Variants in FCHO2 observed in about 807,000 individuals in gnomAD.
FCHO2 encodes F-BAR domain only protein 2.
A neutral mutation model predicts 114.1 loss-of-function variants in FCHO2; 43 were observed. That is an observed-to-expected ratio of 0.38 (90% CI 0.30 to 0.49). The LOEUF is 0.49. FCHO2 is among the 20% of genes least tolerant of loss of function. The pLI is 0.97. For synonymous variants in FCHO2, 293 were observed against 315.2 expected (o/e 0.93, Z 0.75); for missense variants, 807 against 950.4 (o/e 0.85, Z 1.98).
rs1743432307 is a variant in FCHO2, at chr5:73,089,923, A to C, written c.*1833A>C. On this transcript the variant is annotated 3_prime_UTR_variant, in exon 26 of 26. Coordinates refer to ENST00000430046, the MANE Select transcript of FCHO2 (RefSeq NM_138782.3). The stretch of plus-strand genomic sequence containing the variant: ...CTAATCTTTACTAAATAGTGAGCTA[A>C]ATTAGAATTTCTAACTCTTATATTG... 6.6e-6 allele frequency: 1 copy of C among 152,566 alleles called. No homozygotes were observed. Among genetic ancestry groups the C allele is most frequent in the East Asian group, 1.9e-4 (1 of 5,200 alleles). The allele number at this position is 152,566 out of a possible 1,614,324, so 9.5% of individuals were successfully genotyped here. A position where few individuals can be genotyped will look rare whatever the true frequency, so the allele number is the denominator to read the frequency against.
intron 1 of FCHO2, among the ~76,000 whole-genome samples, chr5:72,962,415 C>A (rs780199033): frequency 2.0e-5 from 3 of 151,974 alleles, no homozygotes; most frequent in Non-Finnish European, 4.4e-5. Flanking sequence ...TAATATAAGC[C>A]CTTTGAAAGT....
At position 73,068,675 on chromosome 5, in the gene FCHO2, C is replaced by T; in HGVS notation, c.1475C>T (p.Thr492Ile). Reference sequence around the variant, plus strand: ...CCCAGGCCATTCAGCCCACCTGTAACTTCCAACACCAGCCCACCTCCTGCT... The same window carrying T: ...CCCAGGCCATTCAGCCCACCTGTAATTTCCAACACCAGCCCACCTCCTGCT... ...EIPRPFSPPV[T>I]SNTSPPPAAP... is the part of the protein sequence containing the mutation. Residue 492 changes from threonine (T) to isoleucine (I), a missense_variant, in exon 19 of 26, where the codon ACT becomes ATT. Physicochemically the swap from Thr to Ile is moderately conservative, Grantham distance 89. Coordinates refer to ENST00000430046, the MANE Select transcript of FCHO2 (RefSeq NM_138782.3). 1.2e-6 allele frequency: 2 copies of T among 1,612,052 alleles called. No individual in the cohort carries two copies. The highest frequency in any genetic ancestry group is 1.7e-6 in the Non-Finnish European group (2 of 1,178,780).
intron 15 of FCHO2, chr5:73,055,043 C>G: frequency 5.5e-6 from 2 of 362,558 alleles, no homozygotes; most frequent in Non-Finnish European, 1.1e-5. Flanking sequence ...GCAGCCCACT[C>G]AAAAGCTATG....
intron 10 of FCHO2, 104 bp downstream of exon 10, chr5:73,037,319 AG>A: frequency 1.3e-6 from 1 of 785,830 alleles, no homozygotes; most frequent in Non-Finnish European, 1.9e-6. Context: ...ATAACTCAAA[AG>A]TATATGTGTA....
At chr5:72,978,261 G>T (rs1434667375) in intron 2 of FCHO2, among the ~76,000 whole-genome samples, 1 of 152,190 alleles carries the variant, frequency 6.6e-6, no homozygotes, top group East Asian at 1.9e-4. Flanking sequence ...TTTTCCATTT[G>T]TTTGTGTCCT....
chr5:73,037,775 A>G, intron 10 of FCHO2: 1 of 331,586 alleles, frequency 3.0e-6, no homozygotes, highest in Non-Finnish European at 5.8e-6. Context: ...TTTTTTTTTG[A>G]GATGGAGTTT....
intron 8 of FCHO2, among the ~76,000 whole-genome samples, chr5:73,026,279 G>A (rs1755912003): frequency 6.6e-6 from 1 of 152,044 alleles, no homozygotes; most frequent in African/African-American, 2.4e-5. Context: ...AGACCAGCCT[G>A]GACAATGTGG....
Position 72,989,527 on chromosome 5 carries a change from A to G in FCHO2, c.200+26A>G, listed in dbSNP as rs185151065. On this transcript the variant is annotated intron_variant, in intron 3 of 25. Coordinates refer to ENST00000430046, the MANE Select transcript of FCHO2 (RefSeq NM_138782.3). ...GTGAGTTAATTTCTTCCTCTTTTTC[A>G]GTGTTTATTTAGGCAAAGTTCTTAA... 46 of 1,572,494 alleles carry G rather than the reference A, an allele frequency of 2.9e-5. No individual in the cohort carries two copies. In the African/African-American group the frequency reaches 4.4e-4, roughly 15 times the overall value.
intron 5 of FCHO2, among the ~76,000 whole-genome samples, chr5:72,999,321 A>G (rs1042363086): frequency 2.5e-4 from 38 of 151,944 alleles, no homozygotes; most frequent in African/African-American, 8.9e-4. Context: ...ACTTAAAAAC[A>G]TAAATACTAT....
chr5:73,047,041 T>G (rs1757093088), intron 11 of FCHO2, among the ~76,000 whole-genome samples: 1 of 152,236 alleles, frequency 6.6e-6, no homozygotes, highest in Non-Finnish European at 1.5e-5. Flanking sequence ...GCCTTTTCTT[T>G]CCATTAAAAT....
At chr5:73,063,007 TTTAAG>T (rs1231082217) in intron 17 of FCHO2, among the ~76,000 whole-genome samples, 7 of 152,106 alleles carry the variant, frequency 4.6e-5, no homozygotes, top group Non-Finnish European at 7.4e-5. Flanking sequence ...TTGAAAATCA[TTTAAG>T]TTAATTTATT....
At chr5:73,022,460 T>G (rs2112762137) in intron 8 of FCHO2, among the ~76,000 whole-genome samples, 1 of 152,338 alleles carries the variant, frequency 6.6e-6, no homozygotes, top group African/African-American at 2.4e-5. Flanking sequence ...TACTGCTTTT[T>G]GCTTTTATAT....
chr5:73,018,358 C>T (rs1310326990), intron 8 of FCHO2, among the ~76,000 whole-genome samples: 1 of 152,152 alleles, frequency 6.6e-6, no homozygotes, highest in African/African-American at 2.4e-5. Context: ...ATCTATTTTA[C>T]ATGTTATAGC....
At chr5:72,976,686 A>G (rs370137194) in intron 2 of FCHO2, among the ~76,000 whole-genome samples, 42 of 152,120 alleles carry the variant, frequency 2.8e-4, no homozygotes, top group African/African-American at 9.6e-4. Context: ...GGGTTGTTAC[A>G]TAGGTATACA....
intron 11 of FCHO2, among the ~76,000 whole-genome samples, chr5:73,046,312 C>T (rs1358534011): frequency 6.6e-6 from 1 of 152,176 alleles, no homozygotes; most frequent in African/African-American, 2.4e-5. Context: ...AGTGATCCTC[C>T]TGTTTGACCC....
intron 2 of FCHO2, among the ~76,000 whole-genome samples, chr5:72,971,738 C>G (rs971984094): frequency 5.9e-5 from 9 of 152,132 alleles, no homozygotes; most frequent in Admixed American, 1.3e-4. Flanking sequence ...GCTTTTGTTG[C>G]CATTGCTTTT....
intron 5 of FCHO2, among the ~76,000 whole-genome samples, chr5:73,004,078 CTCTGAAGGACTGTAGG>C (rs1754588130): frequency 6.9e-6 from 1 of 144,906 alleles, no homozygotes; most frequent in Non-Finnish European, 1.5e-5. Context: ...AAAAAATTCA[CTCTGAAGGACTGTAGG>C]TCGTTTGATT....
intron 8 of FCHO2, among the ~76,000 whole-genome samples, chr5:73,022,555 G>C (rs555485261): frequency 2.0e-5 from 3 of 152,164 alleles, no homozygotes; most frequent in Non-Finnish European, 4.4e-5. Flanking sequence ...AGATACCGTT[G>C]CTAGATCATT....
intron 11 of FCHO2, 49 bp from the exon 12 acceptor site, chr5:73,051,300 T>G: frequency 7.9e-7 from 1 of 1,268,234 alleles, no homozygotes; most frequent in Non-Finnish European, 1.1e-6. Flanking sequence ...TCTCTAATAA[T>G]TTTGTACATT....
Sources: gnomAD v4.1 joint callset for allele counts (sites outside exome capture counted in the v4.1 genomes callset) on GRCh38, gnomAD v4.1.1 for gene constraint, MANE v1.5 for transcripts, NCBI Gene and HGNC (gene_info 2026-07-23, HGNC 2026-07-21) for gene names.